The following THSD4 variants were observed in gnomAD, a reference collection of about 807,000 sequenced individuals.
THSD4 encodes the protein thrombospondin type 1 domain containing 4, also known as thrombospondin type-1 domain-containing protein 4.
Under a neutral mutation model 119.0 loss-of-function variants are expected in THSD4, and 69 were observed. That is an observed-to-expected ratio of 0.58 (90% CI 0.48 to 0.71). The LOEUF (loss-of-function observed/expected upper bound fraction) is 0.71, where lower values mean the gene tolerates loss of function less well. Ranked by LOEUF, THSD4 falls within the 30% of genes least tolerant of loss-of-function variation. The probability of loss-of-function intolerance (pLI) is 0.00; values close to 1 mark genes in which losing one functional copy is unlikely to be tolerated. For synonymous variants in THSD4, 524 were observed against 540.4 expected (o/e 0.97, Z 0.42); for missense variants, 1,393 against 1,391.1 (o/e 1.00, Z -0.02).
At chr15:71,318,290 C>T (rs2045219246) in intron 6 of THSD4, among the ~76,000 whole-genome samples, 1 of 151,984 alleles carries the variant, frequency 6.6e-6, no homozygotes, top group Admixed American at 6.6e-5. Flanking sequence ...CATGGATGGC[C>T]CCCAGAATGA....
At chr15:71,310,355 GA>G (rs992879690) in intron 6 of THSD4, among the ~76,000 whole-genome samples, 2 of 152,160 alleles carry the variant, frequency 1.3e-5, no homozygotes, top group Non-Finnish European at 2.9e-5. Context: ...GGCTCATTGA[GA>G]AATCAGCTCA....
At chr15:71,180,222 G>T (rs573270932) in intron 3 of THSD4, among the ~76,000 whole-genome samples, 2 of 150,788 alleles carry the variant, frequency 1.3e-5, no homozygotes, top group African/African-American at 4.9e-5. Flanking sequence ...CCCACAGAAC[G>T]GGAGAAAGTA....
At chr15:71,663,063 A>G (rs1382018520) in intron 8 of THSD4, among the ~76,000 whole-genome samples, 1 of 152,084 alleles carries the variant, frequency 6.6e-6, no homozygotes, top group Non-Finnish European at 1.5e-5. Flanking sequence ...AGCCTGCGCA[A>G]CATCAAGTGA....
At chr15:71,297,154 A>T (rs968309686) in intron 6 of THSD4, among the ~76,000 whole-genome samples, 1 of 151,728 alleles carries the variant, frequency 6.6e-6, no homozygotes, top group East Asian at 1.9e-4. Context: ...AATTATATCC[A>T]TCCTAGTAGT....
Position 71,145,036 on chromosome 15 carries a change from A to G in THSD4, c.29+3480A>G, listed in dbSNP as rs1225310683. 2.6e-5 allele frequency among the ~76,000 whole-genome samples: 4 copies of G among 152,156 alleles called. No homozygotes were observed. In the South Asian group the frequency reaches 6.2e-4, roughly 24 times the overall value. ...TTTTTTTTTTTGGATGCACAATTAC[A>G]TCTTTATTTGTTTGTTCAGTGAGTG... On this transcript the variant is annotated intron_variant, in intron 2 of 17. Coordinates refer to ENST00000261862, the MANE Select transcript of THSD4 (RefSeq NM_024817.3).
chr15:71,194,222 G>A (rs943606459), intron 3 of THSD4, among the ~76,000 whole-genome samples: 16 of 152,204 alleles, frequency 1.1e-4, no homozygotes, highest in African/African-American at 3.6e-4. Flanking sequence ...GACTAATGCA[G>A]TTGGTGAGAA....
chr15:71,165,417 G>C (rs1299442545), intron 3 of THSD4: 164 of 1,489,224 alleles, frequency 1.1e-4, no homozygotes, highest in Non-Finnish European at 2.1e-5. Flanking sequence ...CTTTGCCCAT[G>C]TTTAGTTATT....
intron 3 of THSD4, among the ~76,000 whole-genome samples, chr15:71,159,197 A>G (rs1054145219): frequency 5.7e-4 from 87 of 152,312 alleles, no homozygotes; most frequent in African/African-American, 2.0e-3. Context: ...TGCCAGTACC[A>G]TGCTGCTTTG....
At chr15:71,736,213 T>A (rs2141147565) in intron 10 of THSD4, among the ~76,000 whole-genome samples, 1 of 134,238 alleles carries the variant, frequency 7.4e-6, no homozygotes, top group African/African-American at 2.8e-5. Context: ...GTCTCTCTGT[T>A]GCTGTCTCTG....
intron 13 of THSD4, among the ~76,000 whole-genome samples, chr15:71,748,140 AG>A (rs2053375263): frequency 6.6e-6 from 1 of 152,150 alleles, no homozygotes. Flanking sequence ...TCCATTTTTA[AG>A]GTTTCTCTGG....
At chr15:71,562,864 G>A (rs949790634) in intron 7 of THSD4, among the ~76,000 whole-genome samples, 3 of 151,940 alleles carry the variant, frequency 2.0e-5, no homozygotes, top group Non-Finnish European at 4.4e-5. Context: ...CACCATGCTC[G>A]GCTAATTTTT....
chr15:71,200,614 G>GGTTAAGT (rs2043795486), intron 3 of THSD4, among the ~76,000 whole-genome samples: 1 of 152,076 alleles, frequency 6.6e-6, no homozygotes, highest in Admixed American at 6.6e-5. Context: ...TTCTGAAAAG[G>GGTTAAGT]GTTAAGTGTT....
chr15:71,130,384 G>C (rs757517395), intron 1 of THSD4, among the ~76,000 whole-genome samples: 1 of 151,892 alleles, frequency 6.6e-6, no homozygotes, highest in Non-Finnish European at 1.5e-5. Context: ...ATGGAGTTTC[G>C]CCATGTTGTC....
chr15:71,128,737 C>T (rs1299087924), intron 1 of THSD4, among the ~76,000 whole-genome samples: 2 of 151,942 alleles, frequency 1.3e-5, no homozygotes, highest in African/African-American at 2.4e-5. Flanking sequence ...CATAGTCAAA[C>T]TTTTGAAAAC....
chr15:71,292,674 GA>G (rs151220786), intron 6 of THSD4, among the ~76,000 whole-genome samples: 1 of 145,838 alleles, frequency 6.9e-6, no homozygotes, highest in South Asian at 2.2e-4. Context: ...AATATAACAG[GA>G]TTTTTTTTTT....
intron 3 of THSD4, among the ~76,000 whole-genome samples, chr15:71,193,033 A>G (rs192881797): frequency 6.6e-6 from 1 of 152,326 alleles, no homozygotes; most frequent in Non-Finnish European, 1.5e-5. Flanking sequence ...CTCCCCAGCC[A>G]AACCTGGCTG....
At chr15:71,527,094 G>A (rs1216185218) in intron 7 of THSD4, among the ~76,000 whole-genome samples, 2 of 151,914 alleles carry the variant, frequency 1.3e-5, no homozygotes, top group Non-Finnish European at 2.9e-5. Flanking sequence ...TTATAAAATA[G>A]CCTTCACCCG....
At chr15:71,457,395 A>T (rs1421298235) in intron 7 of THSD4, among the ~76,000 whole-genome samples, 2 of 151,584 alleles carry the variant, frequency 1.3e-5, no homozygotes, top group African/African-American at 4.8e-5. Flanking sequence ...AAAAAAAAAA[A>T]AAAAAAAGCC....
chr15:71,452,838 C>T lies in THSD4; in HGVS notation c.1152+41015C>T, dbSNP rs1160870370. Among the ~76,000 whole-genome samples the T allele has an allele frequency of 2.6e-5, 4 of 152,186 alleles. No individual in the cohort carries two copies. The South Asian group carries it at 6.2e-4, about 24-fold the overall frequency. On this transcript the variant is annotated intron_variant, in intron 7 of 17. Coordinates refer to ENST00000261862, the MANE Select transcript of THSD4 (RefSeq NM_024817.3). Reference sequence around the variant, plus strand: ...CCTTGTTGGCCAGGCTGATCTTGAACTCCTGATCTCAGGTGATCTGCCTGC... The same window carrying T: ...CCTTGTTGGCCAGGCTGATCTTGAATTCCTGATCTCAGGTGATCTGCCTGC...
Sources: allele counts gnomAD v4.1 joint callset (sites outside exome capture counted in the v4.1 genomes callset), GRCh38; gene constraint gnomAD v4.1.1; transcripts MANE v1.5; gene names NCBI Gene and HGNC (gene_info 2026-07-23, HGNC 2026-07-21).